PCDHAC1: variants seen among roughly 807,000 people sequenced by gnomAD.
The protein encoded by PCDHAC1 is protocadherin alpha subfamily C, 1, also known as protocadherin alpha-C1.
PCDHAC1 carries 42 observed loss-of-function variants against 60.0 expected under a neutral mutation model. That is an observed-to-expected ratio of 0.70 (90% CI 0.55 to 0.90). The LOEUF is 0.90. Among genes scored for constraint, PCDHAC1 ranks in the 40% least tolerant of loss-of-function variants. PCDHAC1 has a pLI of 0.00. For missense variants in PCDHAC1, 1,160 were observed against 1,222.3 expected (o/e 0.95, Z 0.76); for synonymous variants, 468 against 499.3 (o/e 0.94, Z 0.84).
At chr5:140,936,640 C>T (rs782162757) in intron 1 of PCDHAC1, among the ~76,000 whole-genome samples, 2 of 152,208 alleles carry the variant, frequency 1.3e-5, no homozygotes, top group Non-Finnish European at 2.9e-5. Flanking sequence ...TCATAAGCAA[C>T]GTGACTTTAT....
At chr5:140,967,123 C>T in intron 1 of PCDHAC1, 1 of 1,612,724 alleles carries the variant, frequency 6.2e-7, no homozygotes, top group Non-Finnish European at 8.5e-7. Context: ...GCTGCCTGCT[C>T]AGCTTGGAAG....
intron 3 of PCDHAC1, among the ~76,000 whole-genome samples, chr5:140,998,588 G>A (rs1315091552): frequency 6.7e-6 from 1 of 148,536 alleles, no homozygotes; most frequent in African/African-American, 2.5e-5. Context: ...TTTTGAGACA[G>A]AGTTTTGCTC....
At chr5:141,006,553 G>A (rs1554260809) in intron 3 of PCDHAC1, among the ~76,000 whole-genome samples, 1 of 152,168 alleles carries the variant, frequency 6.6e-6, no homozygotes, top group African/African-American at 2.4e-5. Context: ...AAGAAATAAA[G>A]ATGACTCTGG....
At position 141,009,867 on chromosome 5, in the gene PCDHAC1, A is replaced by C. The variant is rs374660085; in HGVS notation, c.2822A>C (p.Lys941Thr). 4.3e-6 allele frequency: 7 copies of C among 1,613,976 alleles called. No individual in the cohort carries two copies. The African/African-American group carries it at 9.3e-5, about 22-fold the overall frequency. ...GAGGAGACCAAGAAAAAGAAGAAAA[A>C]GAAGAAGGGTAACAAGACCCAGGAG... Reference protein sequence around the residue: ...KKEETKKKKKKKKGNKTQEKK... With the variant: ...KKEETKKKKKTKKGNKTQEKK... Residue 941 changes from lysine (K) to threonine (T), a missense_variant, in exon 4 of 4, where the codon AAG becomes ACG. Coordinates refer to ENST00000253807, the MANE Select transcript of PCDHAC1 (RefSeq NM_018898.5).
chr5:140,963,861 G>A (rs2095794580), intron 1 of PCDHAC1, among the ~76,000 whole-genome samples: 1 of 152,172 alleles, frequency 6.6e-6, no homozygotes, highest in Admixed American at 6.5e-5. Flanking sequence ...ATAACCGTAT[G>A]AGTTTTGCTT....
intron 1 of PCDHAC1, among the ~76,000 whole-genome samples, chr5:140,952,538 T>C (rs558395294): frequency 6.6e-6 from 1 of 152,256 alleles, no homozygotes; most frequent in South Asian, 2.1e-4. Flanking sequence ...AGACTGGACT[T>C]CTTTGTCCAT....
At chr5:140,967,669 G>C in intron 1 of PCDHAC1, 9 of 1,614,126 alleles carry the variant, frequency 5.6e-6, no homozygotes, top group Non-Finnish European at 7.6e-6. Flanking sequence ...GCTACACGTC[G>C]GACCGGGAGA....
rs372120484 is a variant in PCDHAC1 at position 140,929,058 on chromosome 5, A to G, written c.2166A>G (p.Thr722=). ...GCGCTCAGAGCTGCTGTCGCTCTAC[A>G]GAGGATCTGAGGTATGGAAGTAAGA... ...GCCAQSCCRS[T]EDLRYGSKMV... The change falls in exon 1 of 4, where the codon ACA becomes ACG. Residue 722 remains threonine, a synonymous_variant. Transcript: ENST00000253807. 2 of 1,614,072 alleles carry G rather than the reference A, an allele frequency of 1.2e-6. No individual in the cohort carries two copies. Among genetic ancestry groups the G allele is most frequent in the African/African-American group, 2.7e-5 (2 of 74,924 alleles).
At position 140,927,609 on chromosome 5, in the gene PCDHAC1, C is replaced by T. The variant is rs1285751413; in HGVS notation, c.717C>T (p.Arg239=). ...CTGTATTTGAGCGCTCCGTATACCG[C>T]ACCAAGGTTCCAGAGACTGCACCCA... is the stretch of plus-strand genomic sequence containing the variant. ...NAPVFERSVY[R]TKVPETAPNG... The change falls in exon 1 of 4, where the codon CGC becomes CGT. Residue 239 remains arginine, a synonymous_variant. Transcript: ENST00000253807. 6.2e-7 allele frequency: 1 copy of T among 1,614,076 alleles called. No individual in the cohort carries two copies. Among genetic ancestry groups the T allele is most frequent in the Admixed American group, 1.7e-5 (1 of 60,012 alleles).
intron 1 of PCDHAC1, among the ~76,000 whole-genome samples, chr5:140,944,656 C>A (rs782213712): frequency 1.3e-5 from 2 of 152,016 alleles, no homozygotes; most frequent in Admixed American, 6.6e-5. Flanking sequence ...GAGTCCATAC[C>A]CCTTATTTAT....
chr5:140,981,779 A>G (rs1231046614), intron 2 of PCDHAC1, among the ~76,000 whole-genome samples: 2 of 151,974 alleles, frequency 1.3e-5, no homozygotes, highest in Non-Finnish European at 2.9e-5. Flanking sequence ...ATACTGCACC[A>G]TGTTCTCTTT....
At chr5:140,935,374 T>A (rs2090335210) in intron 1 of PCDHAC1, among the ~76,000 whole-genome samples, 1 of 152,248 alleles carries the variant, frequency 6.6e-6, no homozygotes. Flanking sequence ...GTCAACAGAA[T>A]TACTCATTTG....
chr5:140,971,702 T>G (rs1411821487), intron 1 of PCDHAC1, among the ~76,000 whole-genome samples: 6 of 152,138 alleles, frequency 3.9e-5, no homozygotes, highest in African/African-American at 1.4e-4. Flanking sequence ...CTAACCACCC[T>G]GCTATATAGA....
In PCDHAC1 at chr5:141,009,929, G is replaced by A; in HGVS notation, c.2884G>A (p.Asp962Asn). The A allele has an allele frequency of 1.2e-6, 2 of 1,603,732 alleles. No individual in the cohort carries two copies. Among genetic ancestry groups the A allele is most frequent in the Non-Finnish European group, 1.7e-6 (2 of 1,176,576 alleles). Residue 962 changes from aspartate to asparagine, a missense_variant, in exon 4 of 4, where the codon GAC (aspartate) becomes AAC (asparagine). Transcript: ENST00000253807. ...AGGGAACAGCACGACTGACAACAGT[G>A]ACCAGTGAGGTCCTCAAATGGAAAC... is the stretch of plus-strand genomic sequence containing the variant. ...EKGNSTTDNSDQ is the reference protein window; with the variant it reads ...EKGNSTTDNSNQ
At position 140,927,971 on chromosome 5, in the gene PCDHAC1, C is replaced by T. The variant is rs868922082; in HGVS notation, c.1079C>T (p.Ala360Val). The change falls in exon 1 of 4, where the codon GCT (alanine) becomes GTT (valine). Residue 360 changes from alanine (A) to valine (V), a missense_variant. Physicochemically the swap from Ala to Val is moderately conservative, Grantham distance 64 (BLOSUM62 0). Around this residue, in one of 3 missense-constraint regions of PCDHAC1, gnomAD observed 1,113 missense variants for 1,163.7 expected, o/e 0.96. Transcript: ENST00000253807. ...GACGCTGCCCCTGGCACAGTGATTGCTCTCTTTAGTGTAAAGGATGAAGAC... is the reference window on the plus strand; with the variant it reads ...GACGCTGCCCCTGGCACAGTGATTGTTCTCTTTAGTGTAAAGGATGAAGAC... ...PEDAAPGTVIALFSVKDEDLD... is the reference protein window; with the variant it reads ...PEDAAPGTVIVLFSVKDEDLD... 5.0e-6 allele frequency: 8 copies of T among 1,614,224 alleles called. No homozygotes were observed. In the African/African-American group the frequency reaches 9.3e-5, roughly 19 times the overall value.
In PCDHAC1 at chr5:140,941,191, T is replaced by C. The variant is rs184104978; in HGVS notation, c.2433+11866T>C. Among the ~76,000 whole-genome samples the C allele has an allele frequency of 2.1e-3, 199 of 93,252 alleles. 3 individuals are homozygous for C. Among genetic ancestry groups the C allele is most frequent in the South Asian group, 0.011 (39 of 3,542 alleles). The allele number at this position is 93,252 out of a possible 152,430, so 61.2% of individuals were successfully genotyped here. A position where few individuals can be genotyped will look rare whatever the true frequency, so the allele number is the denominator to read the frequency against. On this transcript the variant is annotated intron_variant, in intron 1 of 3. Transcript: ENST00000253807. ...CATCTTGAACATCCTGCTTCTTTTT[T>C]TTTCTTTCTTCCTTTCTTTCTTCCT...
intron 3 of PCDHAC1, among the ~76,000 whole-genome samples, chr5:141,006,287 C>A (rs1407881243): frequency 6.6e-6 from 1 of 152,060 alleles, no homozygotes; most frequent in African/African-American, 2.4e-5. Flanking sequence ...TCTCAGCTCA[C>A]TGCAAGCTCC....
intron 1 of PCDHAC1, among the ~76,000 whole-genome samples, chr5:140,947,316 G>A (rs1325852826): frequency 2.6e-5 from 4 of 151,352 alleles, no homozygotes; most frequent in East Asian, 1.9e-4. Context: ...GTAAAAAGTC[G>A]GTTGACCATA....
Position 140,929,060 on chromosome 5 carries a change from A to G in PCDHAC1, c.2168A>G (p.Glu723Gly), listed in dbSNP as rs782222884. 3 of 1,614,188 alleles carry G rather than the reference A, an allele frequency of 1.9e-6. No individual in the cohort carries two copies. In the South Asian group the frequency reaches 3.3e-5, roughly 18 times the overall value. The change falls in exon 1 of 4, where the codon GAG becomes GGG. Residue 723 changes from glutamate (E) to glycine (G), a missense_variant. Transcript: ENST00000253807. ...CCAQSCCRSTEDLRYGSKMVS... is the reference protein window; with the variant it reads ...CCAQSCCRSTGDLRYGSKMVS... ...GCTCAGAGCTGCTGTCGCTCTACAGAGGATCTGAGGTATGGAAGTAAGATG... is the reference window on the plus strand; with the variant it reads ...GCTCAGAGCTGCTGTCGCTCTACAGGGGATCTGAGGTATGGAAGTAAGATG...
Sources: gnomAD v4.1 joint callset for allele counts (sites outside exome capture counted in the v4.1 genomes callset) on GRCh38, gnomAD v4.1.1 for gene constraint, gnomAD v4.1.1 regional missense constraint, MANE v1.5 for transcripts, NCBI Gene and HGNC (gene_info 2026-07-23, HGNC 2026-07-21) for gene names.